THSD7A: variants seen among roughly 807,000 people sequenced by gnomAD.
THSD7A encodes the protein thrombospondin type-1 domain-containing protein 7A.
In THSD7A, 96 loss-of-function variants were observed where a neutral mutation model predicts 231.3. That is an observed-to-expected ratio of 0.41 (90% CI 0.35 to 0.49). The LOEUF (loss-of-function observed/expected upper bound fraction) is 0.49, where lower values mean the gene tolerates loss of function less well. THSD7A is among the 20% of genes least tolerant of loss of function. THSD7A has a pLI of 0.05. For missense variants in THSD7A, 2,290 were observed against 2,070.2 expected (o/e 1.11, Z -2.06); for synonymous variants, 940 against 743.3 (o/e 1.26, Z -4.30).
chr7:11,645,346 T>G (rs1782238724), intron 1 of THSD7A, among the ~76,000 whole-genome samples: 1 of 151,918 alleles, frequency 6.6e-6, no homozygotes, highest in African/African-American at 2.4e-5. Flanking sequence ...TGTTTTGTGT[T>G]ATTTTGTGTA....
intron 1 of THSD7A, among the ~76,000 whole-genome samples, chr7:11,668,233 G>T (rs1260178817): frequency 6.6e-6 from 1 of 151,946 alleles, no homozygotes; most frequent in East Asian, 1.9e-4. Context: ...CCTGGCCAAC[G>T]TGATGAAACC....
At chr7:11,575,623 C>T (rs917826057) in intron 4 of THSD7A, among the ~76,000 whole-genome samples, 4 of 152,200 alleles carry the variant, frequency 2.6e-5, no homozygotes, top group African/African-American at 7.2e-5. Context: ...ACGGAACTCT[C>T]TGCCTCTATC....
chr7:11,527,877 G>A (rs935427105), intron 6 of THSD7A, among the ~76,000 whole-genome samples: 1 of 152,112 alleles, frequency 6.6e-6, no homozygotes, highest in East Asian at 1.9e-4. Context: ...CTTCAGGCTC[G>A]GCATGGTGGC....
intron 2 of THSD7A, among the ~76,000 whole-genome samples, chr7:11,615,942 TA>T (rs1562771733): frequency 6.6e-6 from 1 of 152,178 alleles, no homozygotes; most frequent in Non-Finnish European, 1.5e-5. Flanking sequence ...ATGTAACATT[TA>T]AAAAATATCT....
intron 1 of THSD7A, among the ~76,000 whole-genome samples, chr7:11,787,312 G>A (rs1164002433): frequency 2.0e-5 from 3 of 152,066 alleles, no homozygotes; most frequent in Non-Finnish European, 4.4e-5. Context: ...TAAAACTCTA[G>A]AAAATAACAT....
At chr7:11,669,091 T>C (rs1331648475) in intron 1 of THSD7A, among the ~76,000 whole-genome samples, 2 of 152,312 alleles carry the variant, frequency 1.3e-5, no homozygotes, top group South Asian at 4.1e-4. Context: ...CATACCATTA[T>C]ATATGTAGAG....
intron 4 of THSD7A, among the ~76,000 whole-genome samples, chr7:11,574,248 T>TTTC (rs1790780456): frequency 6.6e-6 from 1 of 151,624 alleles, no homozygotes; most frequent in African/African-American, 2.4e-5. Flanking sequence ...TTATTTATTT[T>TTTC]TTGGTATATA....
At chr7:11,599,418 T>C (rs932838951) in intron 2 of THSD7A, among the ~76,000 whole-genome samples, 4 of 152,240 alleles carry the variant, frequency 2.6e-5, no homozygotes, top group Non-Finnish European at 4.4e-5. Context: ...AAGAAGACCG[T>C]AATTGTCATC....
At chr7:11,424,607 T>G in intron 16 of THSD7A, 89 bp downstream of exon 16, 2 of 1,542,296 alleles carry the variant, frequency 1.3e-6, no homozygotes, top group Non-Finnish European at 1.8e-6. Context: ...TCCAGAAGAC[T>G]GGGGAGGAGT....
At chr7:11,588,563 C>A (rs1312404003) in intron 4 of THSD7A, among the ~76,000 whole-genome samples, 1 of 151,992 alleles carries the variant, frequency 6.6e-6, no homozygotes, top group Non-Finnish European at 1.5e-5. Context: ...TTGCAATATT[C>A]CTTCTTTTTC....
intron 6 of THSD7A, among the ~76,000 whole-genome samples, chr7:11,533,854 C>A (rs189556172): frequency 1.3e-5 from 2 of 152,226 alleles, no homozygotes; most frequent in Non-Finnish European, 1.5e-5. Context: ...ATGTAACAAA[C>A]CTACAGGTTC....
intron 9 of THSD7A, among the ~76,000 whole-genome samples, chr7:11,465,014 C>T (rs1185277652): frequency 2.0e-5 from 3 of 152,256 alleles, no homozygotes; most frequent in African/African-American, 7.2e-5. Flanking sequence ...CTTGAGCTGG[C>T]AAACTGGGAA....
chr7:11,519,868 C>T (rs555846098), intron 6 of THSD7A, among the ~76,000 whole-genome samples: 2 of 152,312 alleles, frequency 1.3e-5, no homozygotes, highest in Admixed American at 1.3e-4. Context: ...TCCTTCTATA[C>T]TCTTAAGCTA....
At chr7:11,475,298 A>T (rs1786112802) in intron 7 of THSD7A, among the ~76,000 whole-genome samples, 2 of 152,094 alleles carry the variant, frequency 1.3e-5, no homozygotes, top group Admixed American at 1.3e-4. Context: ...TGAAAAGTGC[A>T]TTGGCAAGGA....
chr7:11,696,336 A>G (rs1160261865), intron 1 of THSD7A, among the ~76,000 whole-genome samples: 1 of 151,594 alleles, frequency 6.6e-6, no homozygotes, highest in Non-Finnish European at 1.5e-5. Flanking sequence ...GTGTGACTTC[A>G]TTAAGCATAT....
intron 23 of THSD7A, among the ~76,000 whole-genome samples, chr7:11,392,995 C>T (rs986811914): frequency 6.6e-6 from 1 of 152,218 alleles, no homozygotes; most frequent in African/African-American, 2.4e-5. Flanking sequence ...CCTGATGGCT[C>T]TGAAGAGAGC....
intron 6 of THSD7A, among the ~76,000 whole-genome samples, chr7:11,514,760 A>T (rs989187830): frequency 6.6e-6 from 1 of 152,160 alleles, no homozygotes; most frequent in East Asian, 1.9e-4. Flanking sequence ...TGCTTACTTT[A>T]TTAGTTGCTT....
intron 4 of THSD7A, among the ~76,000 whole-genome samples, chr7:11,553,146 G>C (rs12699225): frequency 0.17 from 25,827 of 151,970 alleles, 2,197 homozygotes; most frequent in Admixed American, 0.19. Flanking sequence ...CCTTCTTGAG[G>C]TTTGCTCAGC....
chr7:11,433,831 TAAGG>T (rs1186813535), intron 13 of THSD7A, among the ~76,000 whole-genome samples: 4 of 152,024 alleles, frequency 2.6e-5, no homozygotes, highest in African/African-American at 7.2e-5. Context: ...GTTGTGTTAT[TAAGG>T]AAGGAGATAC....
Sources: gnomAD v4.1 joint callset for allele counts (sites outside exome capture counted in the v4.1 genomes callset) on GRCh38, gnomAD v4.1.1 for gene constraint, MANE v1.5 for transcripts, NCBI Gene and HGNC (gene_info 2026-07-23, HGNC 2026-07-21) for gene names.